The following AK4 variants were observed in gnomAD, a reference collection of about 807,000 sequenced individuals.
AK4 encodes adenylate kinase 4.
A neutral mutation model predicts 24.6 loss-of-function variants in AK4; 13 were observed. The observed-to-expected ratio is 0.53, with a 90% confidence interval of 0.34 to 0.84. AK4 has a LOEUF of 0.84. Among genes scored for constraint, AK4 ranks in the 40% least tolerant of loss-of-function variants. AK4 has a pLI of 0.01. For synonymous variants in AK4, 88 were observed against 107.0 expected (o/e 0.82, Z 1.10); for missense variants, 192 against 288.2 (o/e 0.67, Z 2.42).
rs1308985670 is a variant in AK4 at position 65,231,432 on chromosome 1, C to T, written c.*5255C>T. The T allele has an allele frequency of 6.6e-6, 1 of 152,144 alleles. No individual in the cohort carries two copies. The highest frequency in any genetic ancestry group is 1.5e-5 in the Non-Finnish European group (1 of 68,036). The allele number at this position is 152,144 out of a possible 1,614,324, so 9.4% of individuals were successfully genotyped here. On this transcript the variant is annotated 3_prime_UTR_variant, in exon 5 of 5. Transcript: ENST00000327299. ...GTATGGCATAGATATGAATTCCTTC[C>T]TCTGGTAATAATTAGGTTATTCCCA...
intron 1 of AK4, among the ~76,000 whole-genome samples, chr1:65,153,684 C>A (rs193016982): frequency 7.2e-5 from 11 of 152,122 alleles, no homozygotes; most frequent in Non-Finnish European, 1.2e-4. Context: ...ACCCTTAATT[C>A]CTTAAGGGTA....
At chr1:65,199,201 C>T (rs1651583822) in intron 2 of AK4, among the ~76,000 whole-genome samples, 1 of 151,856 alleles carries the variant, frequency 6.6e-6, no homozygotes. Flanking sequence ...CATTTCTTTA[C>T]TGTGTGTTTG....
intron 2 of AK4, among the ~76,000 whole-genome samples, chr1:65,214,247 A>G (rs1342369265): frequency 6.6e-6 from 1 of 152,124 alleles, no homozygotes; most frequent in Non-Finnish European, 1.5e-5. Context: ...AGTAGCTGAG[A>G]TTACAGGCGT....
intron 1 of AK4, among the ~76,000 whole-genome samples, chr1:65,155,145 C>T (rs543526498): frequency 2.0e-5 from 3 of 152,104 alleles, no homozygotes; most frequent in Admixed American, 1.3e-4. Flanking sequence ...CCACCACACC[C>T]GGCCGACATA....
At chr1:65,157,766 G>T (rs1650027829) in intron 1 of AK4, among the ~76,000 whole-genome samples, 1 of 151,968 alleles carries the variant, frequency 6.6e-6, no homozygotes, top group African/African-American at 2.4e-5. Context: ...TCCAGCCTGG[G>T]CAACAGAGCA....
At chr1:65,218,695 A>G in intron 2 of AK4, 59 bp from the exon 3 acceptor site, 5 of 1,474,280 alleles carry the variant, frequency 3.4e-6, no homozygotes, top group African/African-American at 1.4e-5. Context: ...AAATGTTTCA[A>G]GAACTAATTG....
At chr1:65,185,398 C>T (rs57640990) in intron 1 of AK4, among the ~76,000 whole-genome samples, 3,644 of 152,148 alleles carry the variant, frequency 0.024, 150 homozygotes, top group African/African-American at 0.083. Context: ...TCAAAGTTCA[C>T]GCTCCATATC....
intron 4 of AK4, 73 bp downstream of exon 4, chr1:65,224,943 G>A: frequency 6.0e-6 from 7 of 1,159,692 alleles, no homozygotes; most frequent in Non-Finnish European, 9.0e-6. Context: ...AGGAACACGG[G>A]GCTGAGGCAG....
chr1:65,172,544 G>A (rs1650570465), intron 1 of AK4, among the ~76,000 whole-genome samples: 1 of 152,134 alleles, frequency 6.6e-6, no homozygotes, highest in African/African-American at 2.4e-5. Flanking sequence ...AAGATGCAGA[G>A]ACTTGGGTAT....
chr1:65,195,540 C>T (rs749138811), intron 2 of AK4, among the ~76,000 whole-genome samples: 1 of 152,012 alleles, frequency 6.6e-6, no homozygotes, highest in Admixed American at 6.6e-5. Context: ...TGTTAAACTC[C>T]CCTGGAAAGA....
At chr1:65,222,848 A>G (rs1652337924) in intron 3 of AK4, among the ~76,000 whole-genome samples, 1 of 152,216 alleles carries the variant, frequency 6.6e-6, no homozygotes, top group African/African-American at 2.4e-5. Flanking sequence ...GTTCTGGCCT[A>G]CCTTTTGACA....
intron 2 of AK4, among the ~76,000 whole-genome samples, chr1:65,207,194 C>T (rs71647480): frequency 2.6e-5 from 4 of 152,038 alleles, no homozygotes; most frequent in Non-Finnish European, 5.9e-5. Flanking sequence ...TTTTCTTTTT[C>T]TTTCTTTTCC....
intron 2 of AK4, among the ~76,000 whole-genome samples, chr1:65,207,655 G>A (rs1012965610): frequency 6.6e-6 from 1 of 151,336 alleles, no homozygotes; most frequent in South Asian, 2.1e-4. Flanking sequence ...CTGTCACCAA[G>A]GTAGCGTAGT....
At chr1:65,179,068 A>G (rs1283381925) in intron 1 of AK4, among the ~76,000 whole-genome samples, 1 of 152,096 alleles carries the variant, frequency 6.6e-6, no homozygotes, top group African/African-American at 2.4e-5. Flanking sequence ...GGAGAGAGGA[A>G]AGGAAGCTGA....
chr1:65,158,990 T>G (rs528669324), intron 1 of AK4, among the ~76,000 whole-genome samples: 2 of 152,332 alleles, frequency 1.3e-5, no homozygotes, highest in South Asian at 4.1e-4. Context: ...ATTTTAACAG[T>G]CTCACCTCTA....
At chr1:65,171,567 A>G (rs1650526194) in intron 1 of AK4, among the ~76,000 whole-genome samples, 1 of 151,970 alleles carries the variant, frequency 6.6e-6, no homozygotes, top group African/African-American at 2.4e-5. Flanking sequence ...GGCCTCCCAA[A>G]GTGATGGGAT....
At chr1:65,155,040 G>A (rs1020296710) in intron 1 of AK4, among the ~76,000 whole-genome samples, 6 of 151,402 alleles carry the variant, frequency 4.0e-5, no homozygotes, top group Non-Finnish European at 5.9e-5. Context: ...TAATAGAGAC[G>A]GGGTTTCACC....
At chr1:65,182,578 G>A (rs1261104360) in intron 1 of AK4, among the ~76,000 whole-genome samples, 1 of 151,716 alleles carries the variant, frequency 6.6e-6, no homozygotes, top group Non-Finnish European at 1.5e-5. Context: ...TAAAGTATTA[G>A]TAGTTGAGAT....
At chr1:65,183,659 G>C (rs1405657263) in intron 1 of AK4, among the ~76,000 whole-genome samples, 1 of 127,548 alleles carries the variant, frequency 7.8e-6, no homozygotes, top group Admixed American at 7.3e-5. Flanking sequence ...CCGTGTGTGT[G>C]TGTGTGTGTG....
Sources: gnomAD v4.1 joint callset for allele counts (sites outside exome capture counted in the v4.1 genomes callset) on GRCh38, gnomAD v4.1.1 for gene constraint, MANE v1.5 for transcripts, NCBI Gene and HGNC (gene_info 2026-07-23, HGNC 2026-07-21) for gene names.